The following ATP2B2 variants were observed in gnomAD, a reference collection of about 807,000 sequenced individuals.
ATP2B2 encodes plasma membrane calcium-transporting ATPase 2.
Under a neutral mutation model 120.0 loss-of-function variants are expected in ATP2B2, and 15 were observed. The observed-to-expected ratio is 0.12, with a 90% CI of 0.08 to 0.19. The LOEUF is 0.19. ATP2B2 is among the 10% of genes least tolerant of loss of function. ATP2B2 has a pLI of 1.00. For synonymous variants in ATP2B2, 694 were observed against 700.3 expected (o/e 0.99, Z 0.14); for missense variants, 1,045 against 1,719.8 (o/e 0.61, Z 6.94).
intron 1 of ATP2B2, among the ~76,000 whole-genome samples, chr3:10,494,450 T>C (rs1053596109): frequency 6.6e-6 from 1 of 152,158 alleles, no homozygotes; most frequent in Admixed American, 6.5e-5. Flanking sequence ...TGGGGAATCA[T>C]GCCCAGGCCC....
chr3:10,497,116 G>T (rs2066184249), intron 1 of ATP2B2, among the ~76,000 whole-genome samples: 1 of 152,234 alleles, frequency 6.6e-6, no homozygotes. Context: ...TGTTTGTGGT[G>T]GTCAGGCAGA....
At chr3:10,613,515 T>C (rs999871659) in intron 2 of ATP2B2, among the ~76,000 whole-genome samples, 5 of 152,080 alleles carry the variant, frequency 3.3e-5, no homozygotes, top group East Asian at 1.9e-4. Context: ...GGGTGATTAG[T>C]GCCCTTGATG....
At chr3:10,644,951 A>T (rs549514431) in intron 1 of ATP2B2, among the ~76,000 whole-genome samples, 2 of 152,376 alleles carry the variant, frequency 1.3e-5, no homozygotes, top group Non-Finnish European at 2.9e-5. Context: ...TTAATTTTAT[A>T]GAATGTATAA....
At chr3:10,401,167 G>A in intron 4 of ATP2B2, 89 bp from the exon 5 acceptor site, 1 of 1,546,786 alleles carries the variant, frequency 6.5e-7, no homozygotes, top group Non-Finnish European at 8.8e-7. Context: ...ACCAGGGAAG[G>A]TTTGCCATCA....
At chr3:10,512,467 C>CGT (rs2066785574) in intron 3 of ATP2B2, among the ~76,000 whole-genome samples, 1 of 21,026 alleles carries the variant, frequency 4.8e-5, no homozygotes, top group African/African-American at 9.9e-5. Flanking sequence ...TGTGTGCGCA[C>CGT]ACACACACAC....
intron 2 of ATP2B2, among the ~76,000 whole-genome samples, chr3:10,594,176 A>G (rs2068708514): frequency 6.6e-6 from 1 of 152,232 alleles, no homozygotes; most frequent in African/African-American, 2.4e-5. Flanking sequence ...TCAGGGATCT[A>G]GAACTAGAAA....
chr3:10,666,453 T>C (rs1231238582), intron 1 of ATP2B2, among the ~76,000 whole-genome samples: 1 of 152,150 alleles, frequency 6.6e-6, no homozygotes, highest in African/African-American at 2.4e-5. Flanking sequence ...TGGCACTGAG[T>C]TGCTTCAGTA....
chr3:10,517,942 G>T (rs148653950), intron 3 of ATP2B2, among the ~76,000 whole-genome samples: 1 of 152,136 alleles, frequency 6.6e-6, no homozygotes, highest in South Asian at 2.1e-4. Flanking sequence ...GTAGACAGAC[G>T]GGGGATTGGG....
chr3:10,535,747 A>G lies in ATP2B2; in HGVS notation c.-414-1614T>C, dbSNP rs147008659. 9.8e-3 allele frequency among the ~76,000 whole-genome samples: 1,487 copies of G among 152,256 alleles called. 10 individuals carry two copies. The highest frequency in any genetic ancestry group is 0.016 in the Non-Finnish European group (1,081 of 68,026). ...GTAGTATTCCCTACGTGGATGCATT[A>G]CAGGTTGTTTAACTATCAATCAGTG... On this transcript the variant is annotated intron_variant, in intron 2 of 21. Transcript: ENST00000646379.
At chr3:10,676,728 CA>C (rs2071256235) in intron 1 of ATP2B2, among the ~76,000 whole-genome samples, 1 of 152,162 alleles carries the variant, frequency 6.6e-6, no homozygotes, top group African/African-American at 2.4e-5. Context: ...AGGATATGCA[CA>C]AAAACCTACT....
Position 10,350,657 on chromosome 3 carries a change from C to A in ATP2B2, c.2137-80G>T, listed in dbSNP as rs2060554298. On this transcript the variant is annotated intron_variant, in intron 14 of 22. Coordinates refer to ENST00000360273, the MANE Select transcript of ATP2B2 (RefSeq NM_001001331.4). Reference sequence around the variant, plus strand: ...CTGCCTTCATGGATTCCAGAGGAGCCCTTCTCACAGGCAGCTCTACTGAAA... The same window carrying A: ...CTGCCTTCATGGATTCCAGAGGAGCACTTCTCACAGGCAGCTCTACTGAAA... 8 of 1,485,230 alleles carry A rather than the reference C, an allele frequency of 5.4e-6. No homozygotes were observed. In the South Asian group the frequency reaches 9.4e-5, roughly 17 times the overall value. The allele number at this position is 1,485,230 out of a possible 1,614,324, so 92.0% of individuals were successfully genotyped here. A position where few individuals can be genotyped will look rare whatever the true frequency, so the allele number is the denominator to read the frequency against.
chr3:10,339,173 C>A (rs1294611861), intron 21 of ATP2B2, among the ~76,000 whole-genome samples: 1 of 152,196 alleles, frequency 6.6e-6, no homozygotes, highest in Non-Finnish European at 1.5e-5. Context: ...GTTACTGGGC[C>A]CAGCCCCCAA....
chr3:10,563,271 C>T (rs1332199673), intron 2 of ATP2B2, among the ~76,000 whole-genome samples: 2 of 152,106 alleles, frequency 1.3e-5, no homozygotes, highest in African/African-American at 4.8e-5. Context: ...GGTTAAGTGA[C>T]TTTTGCATGG....
intron 1 of ATP2B2, among the ~76,000 whole-genome samples, chr3:10,698,314 A>T (rs1372942606): frequency 6.6e-6 from 1 of 152,212 alleles, no homozygotes; most frequent in Non-Finnish European, 1.5e-5. Context: ...CTGGACAGGG[A>T]TAATGCCTTC....
intron 1 of ATP2B2, among the ~76,000 whole-genome samples, chr3:10,682,912 G>T (rs993102370): frequency 6.6e-6 from 1 of 152,218 alleles, no homozygotes; most frequent in South Asian, 2.1e-4. Context: ...AAGGTCAGAA[G>T]AGGAGGCAAA....
intron 3 of ATP2B2, among the ~76,000 whole-genome samples, chr3:10,525,742 G>T (rs1456655367): frequency 6.6e-6 from 1 of 151,728 alleles, no homozygotes; most frequent in Admixed American, 6.6e-5. Flanking sequence ...TCTGGGCGGT[G>T]GTTACACCAG....
chr3:10,549,552 C>T (rs2067623765), intron 2 of ATP2B2, among the ~76,000 whole-genome samples: 1 of 152,254 alleles, frequency 6.6e-6, no homozygotes, highest in Non-Finnish European at 1.5e-5. Flanking sequence ...AGCAGCAATA[C>T]TAGCATGTCC....
At chr3:10,395,262 T>C (rs1192236617) in intron 5 of ATP2B2, among the ~76,000 whole-genome samples, 1 of 152,212 alleles carries the variant, frequency 6.6e-6, no homozygotes, top group Admixed American at 6.5e-5. Context: ...CGCTGCTCCA[T>C]GCAGGAGACC....
intron 1 of ATP2B2, among the ~76,000 whole-genome samples, chr3:10,464,092 G>C (rs976847572): frequency 1.3e-5 from 2 of 152,216 alleles, no homozygotes; most frequent in East Asian, 1.9e-4. Context: ...GTGACCATGG[G>C]GGGGCCTGAC....
Sources: gnomAD v4.1 joint callset for allele counts (sites outside exome capture counted in the v4.1 genomes callset) on GRCh38, gnomAD v4.1.1 for gene constraint, MANE v1.5 for transcripts, NCBI Gene and HGNC (gene_info 2026-07-23, HGNC 2026-07-21) for gene names.